Variants in SLC47A1 observed in about 807,000 individuals in gnomAD.
SLC47A1 encodes solute carrier family 47 member 1.
A neutral mutation model predicts 65.8 loss-of-function variants in SLC47A1; 58 were observed. The observed-to-expected ratio is 0.88, with a 90% confidence interval of 0.71 to 1.10. The LOEUF (loss-of-function observed/expected upper bound fraction) is 1.10, where lower values mean the gene tolerates loss of function less well. SLC47A1 is among the 50% of genes least tolerant of loss of function. The pLI is 0.00. For synonymous variants in SLC47A1, 285 were observed against 295.0 expected, an observed-to-expected ratio of 0.97 and a Z score of 0.35; for missense variants, 706 against 719.2, an observed-to-expected ratio of 0.98 and a Z score of 0.21.
chr17:19,553,012 T>C (rs1372184088), intron 6 of SLC47A1, among the ~76,000 whole-genome samples: 1 of 151,898 alleles, frequency 6.6e-6, no homozygotes, highest in African/African-American at 2.4e-5. Flanking sequence ...GTGGGAGCAG[T>C]GGGAGATACG....
intron 8 of SLC47A1, 48 bp from the exon 9 acceptor site, chr17:19,555,746 TTC>T: frequency 6.2e-7 from 1 of 1,613,448 alleles, no homozygotes; most frequent in Non-Finnish European, 8.5e-7. Flanking sequence ...TCAGGTTGAG[TTC>T]CAGCCCGATG....
chr17:19,577,810 T>C lies in SLC47A1; in HGVS notation c.*257T>C. 2.3e-6 allele frequency: 3 copies of C among 1,332,312 alleles called. No individual in the cohort carries two copies. The South Asian group carries it at 4.6e-5, about 20-fold the overall frequency. 82.5% of individuals were successfully genotyped at this position (1,332,312 alleles called of 1,614,324 possible). On this transcript the variant is annotated 3_prime_UTR_variant, in exon 17 of 17. Coordinates refer to ENST00000270570, the MANE Select transcript of SLC47A1 (RefSeq NM_018242.3). ...TATCTGAACCAAGCAAGGATCAATG[T>C]GCTGACTGCATTGGCCAATGGCTTT...
Position 19,548,071 on chromosome 17 carries a change from G to T in SLC47A1, c.393G>T (p.Trp131Cys). The change falls in exon 4 of 17, where the codon TGG becomes TGT. Residue 131 changes from tryptophan (W) to cysteine (C), a missense_variant. Transcript: ENST00000270570. ...LVLLLCCFPC[W>C]ALFLNTQHIL... ...TGCTCCTCTGCTGCTTCCCCTGCTGGGCGCTCTTTCTCAACACCCAGCACA... is the reference window on the plus strand; with the variant it reads ...TGCTCCTCTGCTGCTTCCCCTGCTGTGCGCTCTTTCTCAACACCCAGCACA... 1.2e-6 allele frequency: 2 copies of T among 1,614,050 alleles called. No individual in the cohort carries two copies. Among genetic ancestry groups the T allele is most frequent in the African/African-American group, 2.7e-5 (2 of 75,044 alleles).
rs2084457720 is a variant in SLC47A1 at position 19,578,519 on chromosome 17, T to C, written c.*966T>C. 5.9e-6 allele frequency: 1 copy of C among 168,848 alleles called. No individual in the cohort carries two copies. Among genetic ancestry groups the C allele is most frequent in the South Asian group, 1.5e-4 (1 of 6,578 alleles). The allele number at this position is 168,848 out of a possible 1,614,324, so 10.5% of individuals were successfully genotyped here. On this transcript the variant is annotated 3_prime_UTR_variant, in exon 17 of 17. Transcript: ENST00000270570. ...CCAGAGGACAAAATTTTAATAAAGG[T>C]CTTAGCTTAAGCAGTAATCCTACTT...
chr17:19,578,591 C>T lies in SLC47A1; in HGVS notation c.*1038C>T, dbSNP rs936468230. Reference sequence around the variant, plus strand: ...GGTACACACCGTTAATTCAGCAACCCTCAGTACATACTAAGTATGCTCAGT... The same window carrying T: ...GGTACACACCGTTAATTCAGCAACCTTCAGTACATACTAAGTATGCTCAGT... On this transcript the variant is annotated 3_prime_UTR_variant, in exon 17 of 17. Coordinates refer to ENST00000270570, the MANE Select transcript of SLC47A1 (RefSeq NM_018242.3). The T allele has an allele frequency of 6.5e-6, 1 of 154,428 alleles. No individual in the cohort carries two copies. Among genetic ancestry groups the T allele is most frequent in the African/African-American group, 2.4e-5 (1 of 41,466 alleles). The allele number at this position is 154,428 out of a possible 1,614,324, so 9.6% of individuals were successfully genotyped here.
rs1049662951 is a variant in SLC47A1, at chr17:19,577,850, T to C, written c.*297T>C. 7.9e-7 allele frequency: 1 copy of C among 1,270,438 alleles called. No individual in the cohort carries two copies. 78.7% of individuals were successfully genotyped at this position (1,270,438 alleles called of 1,614,324 possible). The stretch of plus-strand genomic sequence containing the variant: ...CCAATGGCTTTGATACTTCTGCTAT[T>C]TTTTTAGACACAAACCCATAAACTA... On this transcript the variant is annotated 3_prime_UTR_variant, in exon 17 of 17. Transcript: ENST00000270570.
At chr17:19,558,553 A>C (rs1172876478) in intron 10 of SLC47A1, among the ~76,000 whole-genome samples, 1 of 151,884 alleles carries the variant, frequency 6.6e-6, no homozygotes, top group African/African-American at 2.4e-5. Flanking sequence ...CCTGGACTCA[A>C]GCAATCCTCC....
intron 1 of SLC47A1, among the ~76,000 whole-genome samples, chr17:19,537,781 G>A (rs1292156173): frequency 6.6e-6 from 1 of 152,116 alleles, no homozygotes; most frequent in East Asian, 1.9e-4. Flanking sequence ...CCTGGCCCTG[G>A]CCAGGCCTCC....
At chr17:19,534,220 GC>G in intron 1 of SLC47A1, 146 bp downstream of exon 1, 1 of 1,097,112 alleles carries the variant, frequency 9.1e-7, no homozygotes, top group Non-Finnish European at 1.2e-6. Flanking sequence ...CAGGAGCCGG[GC>G]GGGCACCCCA....
At chr17:19,543,055 G>C (rs578185489) in intron 2 of SLC47A1, among the ~76,000 whole-genome samples, 1 of 150,576 alleles carries the variant, frequency 6.6e-6, no homozygotes, top group Non-Finnish European at 1.5e-5. Flanking sequence ...GCCTCCGAAA[G>C]TGCTGGGATT....
At chr17:19,565,626 G>A (rs1440617896) in intron 12 of SLC47A1, among the ~76,000 whole-genome samples, 1 of 144,432 alleles carries the variant, frequency 6.9e-6, no homozygotes, top group Non-Finnish European at 1.5e-5. Flanking sequence ...TGTCGCCCAG[G>A]CTGGAGTGCA....
chr17:19,547,986 C>A lies in SLC47A1; in HGVS notation c.308C>A (p.Thr103Lys). The A allele has an allele frequency of 6.2e-7, 1 of 1,611,216 alleles. No homozygotes were observed. Among genetic ancestry groups the A allele is most frequent in the Admixed American group, 1.7e-5 (1 of 59,946 alleles). The change falls in exon 4 of 17, where the codon ACG becomes AAG. Residue 103 changes from threonine to lysine, a missense_variant and splice_region_variant. By Grantham distance (78) the Thr-to-Lys change is moderately conservative. Coordinates refer to ENST00000270570, the MANE Select transcript of SLC47A1 (RefSeq NM_018242.3). Reference sequence around the variant, plus strand: ...TCATTTTGGCTGTGTGCACCCCAGACGTACGGGAGCCAGAACCTGAAGCAC... The same window carrying A: ...TCATTTTGGCTGTGTGCACCCCAGAAGTACGGGAGCCAGAACCTGAAGCAC... ...SSACDTLISQ[T>K]YGSQNLKHVG... is the part of the protein sequence containing the mutation.
intron 2 of SLC47A1, 59 bp downstream of exon 2, chr17:19,542,553 A>G (rs1006907806): frequency 3.7e-6 from 5 of 1,337,724 alleles, no homozygotes; most frequent in East Asian, 4.7e-5. Flanking sequence ...TTCTGCTGCT[A>G]CTATAACAAA....
intron 4 of SLC47A1, among the ~76,000 whole-genome samples, chr17:19,549,130 A>C (rs1916373585): frequency 6.6e-6 from 1 of 152,140 alleles, no homozygotes; most frequent in East Asian, 1.9e-4. Context: ...AAGATATAAA[A>C]TAATCAAGAA....
intron 12 of SLC47A1, 44 bp downstream of exon 12, chr17:19,560,537 A>C: frequency 6.3e-7 from 1 of 1,591,080 alleles, no homozygotes; most frequent in Non-Finnish European, 8.6e-7. Flanking sequence ...TGTGATAAAG[A>C]AATGGTTCAT....
chr17:19,541,097 G>C (rs1264593580), intron 1 of SLC47A1, among the ~76,000 whole-genome samples: 1 of 152,164 alleles, frequency 6.6e-6, no homozygotes, highest in African/African-American at 2.4e-5. Flanking sequence ...GTCAGCTCTA[G>C]AACCTAAGTC....
intron 14 of SLC47A1, among the ~76,000 whole-genome samples, chr17:19,569,151 C>A: frequency 6.6e-6 from 1 of 151,866 alleles, no homozygotes; most frequent in South Asian, 2.1e-4. Context: ...GTGGGTGGTT[C>A]ACTTGAGGTT....
intron 1 of SLC47A1, among the ~76,000 whole-genome samples, chr17:19,535,889 A>G (rs111538837): frequency 4.6e-5 from 7 of 152,308 alleles, no homozygotes; most frequent in African/African-American, 1.7e-4. Context: ...TAAAATGGAG[A>G]TAATAATCAT....
At position 19,567,187 on chromosome 17, in the gene SLC47A1, T is replaced by A; in HGVS notation, c.1268T>A (p.Ile423Asn). The A allele has an allele frequency of 6.2e-7, 1 of 1,614,162 alleles. No homozygotes were observed. The highest frequency in any genetic ancestry group is 8.5e-7 in the Non-Finnish European group (1 of 1,180,010). Residue 423 changes from isoleucine (I) to asparagine (N), a missense_variant, in exon 14 of 17, where the codon ATC (isoleucine) becomes AAC (asparagine). Transcript: ENST00000270570. ...GGGTACTATGTGGTTGGCCTCCCCA[T>A]CGGGATCGCGCTGATGTTTGCAACC... Reference protein sequence around the residue: ...TIGYYVVGLPIGIALMFATTL... With the variant: ...TIGYYVVGLPNGIALMFATTL...
Sources: allele counts gnomAD v4.1 joint callset (sites outside exome capture counted in the v4.1 genomes callset), GRCh38; gene constraint gnomAD v4.1.1; transcripts MANE v1.5; gene names NCBI Gene and HGNC (gene_info 2026-07-23, HGNC 2026-07-21).